Variants in RFC3 observed in about 807,000 individuals in gnomAD.
The protein encoded by RFC3 is A1 38 kDa subunit.
A neutral mutation model predicts 45.1 loss-of-function variants in RFC3; 41 were observed. That is an observed-to-expected ratio of 0.91 (90% CI 0.71 to 1.18). The LOEUF (loss-of-function observed/expected upper bound fraction) is 1.18. Among genes scored for constraint, RFC3 ranks in the 50% most tolerant of loss-of-function variants. The probability of loss-of-function intolerance (pLI) is 0.00; values close to 1 mark genes in which losing one functional copy is unlikely to be tolerated. For synonymous variants in RFC3, 149 were observed against 144.0 expected (o/e 1.03, Z -0.25); for missense variants, 423 against 428.1 (o/e 0.99, Z 0.10).
At chr13:33,894,762 C>G (rs1435055713) in intron 8 of RFC3, among the ~76,000 whole-genome samples, 1 of 152,044 alleles carries the variant, frequency 6.6e-6, no homozygotes, top group African/African-American at 2.4e-5. Flanking sequence ...AATTATATTA[C>G]AAGGTGAGAA....
At position 33,836,656 on chromosome 13, in the gene RFC3, TG is replaced by T; in HGVS notation, c.*362del. ...CAAAGATTATTTTCATTTATCCAGA[TG>T]ACCATTTTCTGCCACAGGTAACATG... is the stretch of plus-strand genomic sequence containing the variant. On this transcript the variant is annotated 3_prime_UTR_variant, in exon 9 of 9. Coordinates refer to ENST00000380071, the MANE Select transcript of RFC3 (RefSeq NM_002915.4). 2.0e-6 allele frequency: 2 copies of T among 993,172 alleles called. No individual in the cohort carries two copies. The highest frequency in any genetic ancestry group is 2.4e-6 in the Non-Finnish European group (2 of 834,846). 61.5% of individuals were successfully genotyped at this position (993,172 alleles called of 1,614,324 possible). A position where few individuals can be genotyped will look rare whatever the true frequency, so the allele number is the denominator to read the frequency against.
In RFC3 at chr13:33,836,258, A is replaced by G. The variant is rs2082153459; in HGVS notation, c.1034A>G (p.Lys345Arg). Reference sequence around the variant, plus strand: ...GCCAAATTCATGGCACTTTATAAGAAGTTCATGGAGGATGGATTGGAAGGC... The same window carrying G: ...GCCAAATTCATGGCACTTTATAAGAGGTTCATGGAGGATGGATTGGAAGGC... ...FVAKFMALYKKFMEDGLEGMM... is the reference protein window; with the variant it reads ...FVAKFMALYKRFMEDGLEGMM... Residue 345 changes from lysine (K) to arginine (R), a missense_variant, in exon 9 of 9, where the codon AAG becomes AGG. Lys to Arg is a conservative substitution (Grantham distance 26, BLOSUM62 2). Coordinates refer to ENST00000380071, the MANE Select transcript of RFC3 (RefSeq NM_002915.4). 1 of 1,613,374 alleles carries G rather than the reference A, an allele frequency of 6.2e-7. No homozygotes were observed. The highest frequency in any genetic ancestry group is 8.5e-7 in the Non-Finnish European group (1 of 1,179,416).
At chr13:33,838,297 A>G (rs2082172890), downstream of RFC3, among the ~76,000 whole-genome samples, 1 of 152,050 alleles carries the variant, frequency 6.6e-6, no homozygotes, top group Admixed American at 6.6e-5. Flanking sequence ...TTTAATATTT[A>G]TGTAGACACT....
At chr13:33,879,536 CA>C (rs1354562665) in intron 8 of RFC3, among the ~76,000 whole-genome samples, 3 of 152,034 alleles carry the variant, frequency 2.0e-5, no homozygotes, top group Non-Finnish European at 4.4e-5. Flanking sequence ...TAAAAACAAA[CA>C]AAAACTAAAA....
At chr13:33,876,317 C>G (rs2082446371) in intron 8 of RFC3, among the ~76,000 whole-genome samples, 1 of 152,150 alleles carries the variant, frequency 6.6e-6, no homozygotes, top group South Asian at 2.1e-4. Context: ...GATGGGATCT[C>G]CCTGAAGGCA....
At chr13:33,843,890 A>G (rs568092420) in intron 8 of RFC3, among the ~76,000 whole-genome samples, 9 of 152,330 alleles carry the variant, frequency 5.9e-5, no homozygotes, top group Non-Finnish European at 1.0e-4. Flanking sequence ...TATGCAGCCT[A>G]TGTTACCATA....
intron 1 of RFC3, among the ~76,000 whole-genome samples, chr13:33,819,800 A>C (rs1013646617): frequency 6.6e-6 from 1 of 152,216 alleles, no homozygotes; most frequent in Non-Finnish European, 1.5e-5. Context: ...TGCTTTTAAG[A>C]AATGTTCACC....
chr13:33,840,592 G>T (rs1430068027), downstream of RFC3, among the ~76,000 whole-genome samples: 19 of 33,706 alleles, frequency 5.6e-4, no homozygotes, highest in Non-Finnish European at 1.5e-3. Context: ...TCTTTTTTTT[G>T]TGTGTGTTTT....
intron 8 of RFC3, among the ~76,000 whole-genome samples, chr13:33,889,891 C>T (rs1414988247): frequency 6.6e-6 from 1 of 152,214 alleles, no homozygotes; most frequent in Non-Finnish European, 1.5e-5. Context: ...AGAAGGATAA[C>T]ATCCTGTCAT....
intron 8 of RFC3, among the ~76,000 whole-genome samples, chr13:33,962,361 C>G (rs1300456040): frequency 2.0e-5 from 3 of 152,156 alleles, no homozygotes; most frequent in Non-Finnish European, 4.4e-5. Flanking sequence ...AAGCTTTCCC[C>G]CATTTTTCTG....
chr13:33,884,938 A>G (rs17080068), intron 8 of RFC3, among the ~76,000 whole-genome samples: 5,054 of 152,286 alleles, frequency 0.033, 268 homozygotes, highest in African/African-American at 0.11. Flanking sequence ...CGTTGCTCTC[A>G]TACCCAGGTC....
intron 8 of RFC3, among the ~76,000 whole-genome samples, chr13:33,929,199 C>T (rs1181770385): frequency 6.6e-6 from 1 of 151,976 alleles, no homozygotes; most frequent in Non-Finnish European, 1.5e-5. Flanking sequence ...GGAAATTATC[C>T]TAGAGAGTTG....
chr13:33,854,024 T>C (rs2082293832), intron 8 of RFC3, among the ~76,000 whole-genome samples: 1 of 152,208 alleles, frequency 6.6e-6, no homozygotes, highest in African/African-American at 2.4e-5. Context: ...TTGACCTTAG[T>C]TGATGAATTT....
At chr13:33,947,956 G>A (rs932441307) in intron 8 of RFC3, among the ~76,000 whole-genome samples, 6 of 152,176 alleles carry the variant, frequency 3.9e-5, no homozygotes, top group Admixed American at 1.3e-4. Flanking sequence ...GCAGCCTGGC[G>A]ATGTGATAGA....
rs182474676 is a variant in RFC3 at position 33,829,647 on chromosome 13, T to A, written c.392-189T>A. 5.7e-4 allele frequency: 343 copies of A among 601,446 alleles called. 2 individuals are homozygous for A. The East Asian group carries it at 9.6e-3, about 17-fold the overall frequency. The allele number at this position is 601,446 out of a possible 1,614,324, so 37.3% of individuals were successfully genotyped here. A position where few individuals can be genotyped will look rare whatever the true frequency, so the allele number is the denominator to read the frequency against. On this transcript the variant is annotated intron_variant, in intron 4 of 8. Transcript: ENST00000380071. ...TATATGATCTGAAGAGAAACTGGAG[T>A]ATGATTGTAGCATTTTAAAATAATA...
rs73485527 is a variant in RFC3, at chr13:33,908,176, C to A, written c.880-57911C>A. On this transcript the variant is annotated intron_variant, in intron 8 of 8. Coordinates refer to the RFC3 transcript ENST00000434425. ...TGCACTGCATTTATCTGAAAAAAAACACACACACACAGTGCTACATTAATC... is the reference window on the plus strand; with the variant it reads ...TGCACTGCATTTATCTGAAAAAAAAAACACACACACAGTGCTACATTAATC... Among the ~76,000 whole-genome samples the A allele has an allele frequency of 1.7e-3, 262 of 151,334 alleles. 1 individual carries two copies. The highest frequency in any genetic ancestry group is 5.6e-3 in the African/African-American group (232 of 41,072).
At chr13:33,908,840 A>G (rs970713672) in intron 8 of RFC3, among the ~76,000 whole-genome samples, 1 of 152,066 alleles carries the variant, frequency 6.6e-6, no homozygotes, top group Non-Finnish European at 1.5e-5. Flanking sequence ...AAGAAGAGCC[A>G]AAGTTTTAGT....
chr13:33,872,508 C>T (rs1003949677), intron 8 of RFC3, among the ~76,000 whole-genome samples: 9 of 152,208 alleles, frequency 5.9e-5, no homozygotes, highest in South Asian at 2.1e-4. Flanking sequence ...CCAAGGCGGG[C>T]GGATCACCTG....
chr13:33,847,558 T>C (rs532401580), intron 8 of RFC3: 46 of 152,230 alleles, frequency 3.0e-4, no homozygotes, highest in African/African-American at 9.9e-4. Context: ...CATCTCATTG[T>C]TTTATAAATA....
Sources: allele counts gnomAD v4.1 joint callset (sites outside exome capture counted in the v4.1 genomes callset), GRCh38; gene constraint gnomAD v4.1.1; transcripts MANE v1.5; gene names NCBI Gene and HGNC (gene_info 2026-07-23, HGNC 2026-07-21).